SLC35F4: variants seen among roughly 807,000 people sequenced by gnomAD.
The protein encoded by SLC35F4 is solute carrier family 35 member F4.
SLC35F4 carries 24 observed loss-of-function variants against 44.2 expected under a neutral mutation model. That is an observed-to-expected ratio of 0.54 (90% CI 0.39 to 0.76). The LOEUF (loss-of-function observed/expected upper bound fraction) is 0.76, where lower values mean the gene tolerates loss of function less well. SLC35F4 is among the 30% of genes least tolerant of loss of function. The probability of loss-of-function intolerance (pLI) is 0.00; values close to 1 mark genes in which losing one functional copy is unlikely to be tolerated. For synonymous variants in SLC35F4, 238 were observed against 223.6 expected, an observed-to-expected ratio of 1.06 and a Z score of -0.57; for missense variants, 562 against 586.1, an observed-to-expected ratio of 0.96 and a Z score of 0.42.
intron 1 of SLC35F4, among the ~76,000 whole-genome samples, chr14:57,695,852 T>A (rs1417109958): frequency 6.6e-6 from 1 of 152,206 alleles, no homozygotes; most frequent in Non-Finnish European, 1.5e-5. Flanking sequence ...TAAAAAATTA[T>A]GAGTTCATGT....
At chr14:57,835,951 C>T (rs1258047843) in intron 1 of SLC35F4, among the ~76,000 whole-genome samples, 1 of 152,134 alleles carries the variant, frequency 6.6e-6, no homozygotes, top group Admixed American at 6.5e-5. Flanking sequence ...TTCTAAACAA[C>T]ACATTTGGGA....
At chr14:57,696,896 C>T (rs2075398422) in intron 1 of SLC35F4, among the ~76,000 whole-genome samples, 1 of 152,082 alleles carries the variant, frequency 6.6e-6, no homozygotes, top group African/African-American at 2.4e-5. Flanking sequence ...GGGAGGGGAA[C>T]ATCACACACC....
intron 1 of SLC35F4, chr14:57,630,863 A>G (rs1260677857): frequency 2.3e-6 from 2 of 883,728 alleles, no homozygotes; most frequent in Non-Finnish European, 2.7e-6. Context: ...AGCCACTCTT[A>G]AGAGTCCAGT....
chr14:57,745,592 T>C (rs946306680), intron 1 of SLC35F4, among the ~76,000 whole-genome samples: 4 of 152,154 alleles, frequency 2.6e-5, no homozygotes, highest in Non-Finnish European at 5.9e-5. Flanking sequence ...CAACAGGTGC[T>C]GGAGAGGATG....
intron 1 of SLC35F4, among the ~76,000 whole-genome samples, chr14:57,840,057 G>A (rs1471222318): frequency 6.6e-6 from 1 of 152,060 alleles, no homozygotes; most frequent in African/African-American, 2.4e-5. Context: ...CTGTCCCCAG[G>A]CACCGTGCTT....
At chr14:57,761,596 G>GT (rs1337989605) in intron 1 of SLC35F4, among the ~76,000 whole-genome samples, 1 of 151,946 alleles carries the variant, frequency 6.6e-6, no homozygotes, top group Non-Finnish European at 1.5e-5. Context: ...TTTTGTATAG[G>GT]TTTTTATACA....
At chr14:57,945,690 A>G (rs1006909510) in intron 1 of SLC35F4, among the ~76,000 whole-genome samples, 6 of 152,068 alleles carry the variant, frequency 3.9e-5, no homozygotes, top group Non-Finnish European at 8.8e-5. Context: ...TCTTTAAGGA[A>G]TCTTCACACT....
At chr14:57,762,950 G>A (rs1651491329) in intron 1 of SLC35F4, among the ~76,000 whole-genome samples, 1 of 152,078 alleles carries the variant, frequency 6.6e-6, no homozygotes, top group Admixed American at 6.6e-5. Context: ...AGTAATACAA[G>A]TAATGTTTAT....
intron 1 of SLC35F4, among the ~76,000 whole-genome samples, chr14:57,950,395 T>C (rs7155731): frequency 0.1 from 15,431 of 152,084 alleles, 892 homozygotes; most frequent in Middle Eastern, 0.18. Flanking sequence ...ATTTTATTTA[T>C]GATATCTATT....
At chr14:57,730,883 T>G (rs1410119406) in intron 1 of SLC35F4, among the ~76,000 whole-genome samples, 1 of 152,192 alleles carries the variant, frequency 6.6e-6, no homozygotes. Context: ...TAAAAGGATT[T>G]TAAATTTCAG....
chr14:57,811,402 A>G (rs1004498198), intron 1 of SLC35F4, among the ~76,000 whole-genome samples: 2 of 152,204 alleles, frequency 1.3e-5, no homozygotes, highest in Non-Finnish European at 2.9e-5. Context: ...AATAAAATGT[A>G]TATCAGGAGG....
At chr14:57,785,850 A>G (rs2077743781) in intron 1 of SLC35F4, among the ~76,000 whole-genome samples, 1 of 152,052 alleles carries the variant, frequency 6.6e-6, no homozygotes, top group African/African-American at 2.4e-5. Flanking sequence ...CAGGGGTAAG[A>G]CTCTGCAGGG....
intron 1 of SLC35F4, among the ~76,000 whole-genome samples, chr14:57,814,776 T>C (rs1288047671): frequency 6.6e-6 from 1 of 152,156 alleles, no homozygotes; most frequent in African/African-American, 2.4e-5. Context: ...GGTATGGCGA[T>C]GGAATAGGGG....
intron 1 of SLC35F4, among the ~76,000 whole-genome samples, chr14:57,965,972 C>A (rs569724285): frequency 5.3e-5 from 8 of 152,298 alleles, no homozygotes; most frequent in African/African-American, 1.7e-4. Flanking sequence ...CTTGACAAAG[C>A]ATTTGGCAGC....
intron 1 of SLC35F4, among the ~76,000 whole-genome samples, chr14:57,840,242 C>T (rs1313498525): frequency 6.6e-6 from 1 of 152,146 alleles, no homozygotes; most frequent in Non-Finnish European, 1.5e-5. Context: ...CACTGCCATC[C>T]AAAACAAAGG....
chr14:57,831,153 G>A (rs1884332086), intron 1 of SLC35F4, among the ~76,000 whole-genome samples: 2 of 152,098 alleles, frequency 1.3e-5, no homozygotes, highest in African/African-American at 2.4e-5. Flanking sequence ...GGTGATTTTC[G>A]ATTCCTCCCA....
At chr14:57,591,225 C>T (rs897313669) in intron 2 of SLC35F4, among the ~76,000 whole-genome samples, 1 of 152,178 alleles carries the variant, frequency 6.6e-6, no homozygotes, top group Non-Finnish European at 1.5e-5. Flanking sequence ...AAGCCAGAAA[C>T]ACACTCAACA....
intron 1 of SLC35F4, among the ~76,000 whole-genome samples, chr14:57,608,810 G>C (rs1296367576): frequency 7.0e-6 from 1 of 143,292 alleles, no homozygotes; most frequent in Non-Finnish European, 1.5e-5. Context: ...CGGGGGGAGA[G>C]AAACAGGAAA....
chr14:57,908,156 T>C (rs1595281927), intron 1 of SLC35F4, among the ~76,000 whole-genome samples: 1 of 152,202 alleles, frequency 6.6e-6, no homozygotes, highest in Non-Finnish European at 1.5e-5. Context: ...TAGTCCATGG[T>C]TTATAAGTAC....
Sources: allele counts gnomAD v4.1 joint callset (sites outside exome capture counted in the v4.1 genomes callset), GRCh38; gene constraint gnomAD v4.1.1; transcripts MANE v1.5; gene names NCBI Gene and HGNC (gene_info 2026-07-23, HGNC 2026-07-21).